The following TMEM132D variants were observed in gnomAD, a reference collection of about 807,000 sequenced individuals.
TMEM132D encodes the protein transmembrane protein 132D.
In TMEM132D, 21 loss-of-function variants were observed where a neutral mutation model predicts 62.3. The ratio of observed to expected loss-of-function variants is 0.34; its 90% confidence interval spans 0.24 to 0.49. The LOEUF (loss-of-function observed/expected upper bound fraction) is 0.49. TMEM132D is among the 20% of genes least tolerant of loss of function. The pLI, the probability that TMEM132D is intolerant of heterozygous loss-of-function variation, is 0.99. For synonymous variants in TMEM132D, 621 were observed against 575.6 expected, an observed-to-expected ratio of 1.08 and a Z score of -1.13; for missense variants, 1,346 against 1,402.8, an observed-to-expected ratio of 0.96 and a Z score of 0.65.
chr12:129,638,496 T>TGCTGC (rs373400534), intron 2 of TMEM132D, among the ~76,000 whole-genome samples: 1 of 117,740 alleles, frequency 8.5e-6, no homozygotes, highest in Non-Finnish European at 1.9e-5. Flanking sequence ...ATTTTTTATA[T>TGCTGC]ATATAAACAT....
At position 129,084,582 on chromosome 12, in the gene TMEM132D, G is replaced by T; in HGVS notation, c.1564C>A (p.Pro522Thr). Residue 522 changes from proline to threonine, a missense_variant, in exon 6 of 9, where the codon CCC (proline) becomes ACC (threonine). Physicochemically the swap from Pro to Thr is conservative, Grantham distance 38 (BLOSUM62 -1). Coordinates refer to ENST00000422113, the MANE Select transcript of TMEM132D (RefSeq NM_133448.3). ...ACCTCGATCTGCAGCGGAAGCCGGG[G>T]CACCCACACCGTCATCTCCAGGGGG... Reference protein sequence around the residue: ...SSPLEMTVWVPRLPLQIEVSD... With the variant: ...SSPLEMTVWVTRLPLQIEVSD... 1.9e-6 allele frequency: 3 copies of T among 1,614,104 alleles called. No homozygotes were observed. The highest frequency in any genetic ancestry group is 2.5e-6 in the Non-Finnish European group (3 of 1,179,988).
intron 1 of TMEM132D, among the ~76,000 whole-genome samples, chr12:129,835,003 A>T (rs1387983837): frequency 1.3e-5 from 2 of 152,188 alleles, no homozygotes; most frequent in Non-Finnish European, 2.9e-5. Context: ...TGAAGCAGGT[A>T]AAAAAGGAAG....
At chr12:129,265,412 G>C (rs1230026327) in intron 4 of TMEM132D, among the ~76,000 whole-genome samples, 1 of 152,188 alleles carries the variant, frequency 6.6e-6, no homozygotes, top group Non-Finnish European at 1.5e-5. Flanking sequence ...GATCTCCTGG[G>C]GAAATGTGAT....
intron 2 of TMEM132D, among the ~76,000 whole-genome samples, chr12:129,667,823 C>A (rs1880412664): frequency 6.6e-6 from 1 of 151,914 alleles, no homozygotes; most frequent in South Asian, 2.1e-4. Flanking sequence ...GGTATATGGT[C>A]CAAAATTATG....
chr12:129,254,174 T>C (rs898318943), intron 4 of TMEM132D, among the ~76,000 whole-genome samples: 4 of 152,058 alleles, frequency 2.6e-5, no homozygotes, highest in Non-Finnish European at 4.4e-5. Context: ...ATCAGAAAAT[T>C]GAAAGAATAC....
At chr12:129,165,995 A>G (rs997003714) in intron 5 of TMEM132D, among the ~76,000 whole-genome samples, 2 of 152,192 alleles carry the variant, frequency 1.3e-5, no homozygotes, top group Admixed American at 1.3e-4. Flanking sequence ...AGTTCTCACA[A>G]CCACCATTGG....
intron 1 of TMEM132D, among the ~76,000 whole-genome samples, chr12:129,887,228 C>T (rs1874778337): frequency 1.3e-5 from 2 of 152,196 alleles, no homozygotes; most frequent in East Asian, 3.9e-4. Context: ...GACCGCCCGC[C>T]CCTCCCTGTC....
chr12:129,337,636 T>C lies in TMEM132D; in HGVS notation c.1297A>G (p.Met433Val), dbSNP rs947436764. 10 of 1,610,718 alleles carry C rather than the reference T, an allele frequency of 6.2e-6. No individual in the cohort carries two copies. Among genetic ancestry groups the C allele is most frequent in the South Asian group, 2.2e-5 (2 of 90,904 alleles). Reference protein sequence around the residue: ...KDLIGVVPLAMEAEILNTAIL... With the variant: ...KDLIGVVPLAVEAEILNTAIL... ...AGCCCAGGGCGGGGCTTGCTTACCA[T>C]AGCCAGCGGCACAACTCCAATCAAG... Residue 433 changes from methionine to valine, a missense_variant and splice_region_variant, in exon 4 of 9, where the codon ATG (methionine) becomes GTG (valine). Transcript: ENST00000422113.
chr12:129,482,406 C>T (rs1475823937), intron 3 of TMEM132D, among the ~76,000 whole-genome samples: 1 of 152,136 alleles, frequency 6.6e-6, no homozygotes, highest in Non-Finnish European at 1.5e-5. Flanking sequence ...AATGAAAAAG[C>T]ATATTGCAGC....
At chr12:129,246,330 T>A (rs1317557720) in intron 4 of TMEM132D, among the ~76,000 whole-genome samples, 1 of 152,212 alleles carries the variant, frequency 6.6e-6, no homozygotes, top group African/African-American at 2.4e-5. Flanking sequence ...TGACGCATGC[T>A]GGCCTAACAG....
intron 5 of TMEM132D, among the ~76,000 whole-genome samples, chr12:129,095,631 T>A (rs7973412): frequency 0.019 from 2,876 of 152,122 alleles, 86 homozygotes; most frequent in African/African-American, 0.065. Context: ...GGATTATAGG[T>A]GTGAGCCACT....
At chr12:129,893,016 A>G (rs1258877964) in intron 1 of TMEM132D, among the ~76,000 whole-genome samples, 1 of 152,100 alleles carries the variant, frequency 6.6e-6, no homozygotes, top group African/African-American at 2.4e-5. Context: ...AGCTGGCACT[A>G]CAGGCACATG....
intron 3 of TMEM132D, among the ~76,000 whole-genome samples, chr12:129,342,394 C>A (rs919443776): frequency 2.6e-5 from 4 of 151,572 alleles, no homozygotes; most frequent in Middle Eastern, 3.2e-3. Context: ...GAAACTGGAT[C>A]CCTTCCTTAC....
intron 2 of TMEM132D, among the ~76,000 whole-genome samples, chr12:129,680,379 A>T (rs1410903932): frequency 6.6e-6 from 1 of 152,224 alleles, no homozygotes; most frequent in Non-Finnish European, 1.5e-5. Flanking sequence ...CCTTTGCATA[A>T]CAAGTTCACA....
At chr12:129,496,515 C>G (rs1399982603) in intron 3 of TMEM132D, among the ~76,000 whole-genome samples, 2 of 152,046 alleles carry the variant, frequency 1.3e-5, no homozygotes, top group East Asian at 3.9e-4. Context: ...GGAAGTGACT[C>G]AGGCATGAAT....
At position 129,269,691 on chromosome 12, in the gene TMEM132D, CA is replaced by C. The variant is rs1177001842; in HGVS notation, c.1300-60029del. Among the ~76,000 whole-genome samples the C allele has an allele frequency of 1.6e-4, 24 of 151,662 alleles. 1 individual carries two copies. Among genetic ancestry groups the C allele is most frequent in the African/African-American group, 2.4e-5 (1 of 41,248 alleles). On this transcript the variant is annotated intron_variant, in intron 4 of 8. Transcript: ENST00000422113. ...ACCTTCTCACTTAACAAAACCCCCC[CA>C]GTTACCACTGTTCTAGGGTCTGCTT...
chr12:129,799,374 GTATA>G (rs1329991468), intron 1 of TMEM132D, among the ~76,000 whole-genome samples: 1 of 5,432 alleles, frequency 1.8e-4, no homozygotes, highest in African/African-American at 5.5e-4. Flanking sequence ...GTATATATGT[GTATA>G]TATATGTGTA....
intron 4 of TMEM132D, among the ~76,000 whole-genome samples, chr12:129,318,450 C>T (rs1042243775): frequency 2.0e-5 from 3 of 152,094 alleles, no homozygotes; most frequent in African/African-American, 4.8e-5. Context: ...TACCTGGCTC[C>T]GGGCTGGTAC....
At chr12:129,081,725 A>C (rs12578725) in intron 7 of TMEM132D, 34 bp downstream of exon 7, 152,082 of 1,539,094 alleles carry the variant, frequency 0.099, 7,998 homozygotes, top group East Asian at 0.17. Context: ...AGACAGAGAG[A>C]TCTTGATTTG....
Sources: allele counts gnomAD v4.1 joint callset (sites outside exome capture counted in the v4.1 genomes callset), GRCh38; gene constraint gnomAD v4.1.1; transcripts MANE v1.5; gene names NCBI Gene and HGNC (gene_info 2026-07-23, HGNC 2026-07-21).